PDE2A: variants seen among roughly 807,000 people sequenced by gnomAD.
The protein encoded by PDE2A is cGMP-dependent 3',5'-cyclic phosphodiesterase.
A neutral mutation model predicts 133.6 loss-of-function variants in PDE2A; 53 were observed. That is an observed-to-expected ratio of 0.40 (90% CI 0.32 to 0.50). The LOEUF is 0.50. PDE2A is among the 20% of genes least tolerant of loss of function. The pLI is 0.73. For missense variants in PDE2A, 796 were observed against 1,232.4 expected (o/e 0.65, Z 5.30); for synonymous variants, 491 against 490.2 (o/e 1.00, Z -0.02).
intron 2 of PDE2A, among the ~76,000 whole-genome samples, chr11:72,641,227 A>G (rs1258494547): frequency 6.6e-6 from 1 of 152,190 alleles, no homozygotes; most frequent in Non-Finnish European, 1.5e-5. Flanking sequence ...TGCCCACCAC[A>G]TCATCCCCCC....
chr11:72,661,369 C>A (rs1291245107), intron 1 of PDE2A, among the ~76,000 whole-genome samples: 2 of 152,186 alleles, frequency 1.3e-5, no homozygotes, highest in Admixed American at 1.3e-4. Flanking sequence ...CTCCTCACAG[C>A]TATTCCTAAC....
intron 3 of PDE2A, among the ~76,000 whole-genome samples, chr11:72,607,733 G>A (rs1857034873): frequency 1.3e-5 from 2 of 152,166 alleles, no homozygotes; most frequent in Non-Finnish European, 2.9e-5. Context: ...GGAGGGATGG[G>A]AAGGTCACAT....
intron 2 of PDE2A, among the ~76,000 whole-genome samples, chr11:72,613,432 C>G (rs1219183656): frequency 6.6e-6 from 1 of 151,858 alleles, no homozygotes; most frequent in Non-Finnish European, 1.5e-5. Context: ...TCCCCCAGGA[C>G]CTCGGAGCCC....
At chr11:72,629,341 A>C (rs1420076611) in intron 2 of PDE2A, among the ~76,000 whole-genome samples, 1 of 152,228 alleles carries the variant, frequency 6.6e-6, no homozygotes, top group Non-Finnish European at 1.5e-5. Context: ...CTCAGGGCAC[A>C]GTCCCCGTTG....
At chr11:72,667,297 C>G (rs1855264484) in intron 1 of PDE2A, among the ~76,000 whole-genome samples, 1 of 152,126 alleles carries the variant, frequency 6.6e-6, no homozygotes, top group African/African-American at 2.4e-5. Flanking sequence ...CAGTATCAAG[C>G]AAGTCATGAC....
At chr11:72,643,974 G>A (rs1859059866) in intron 1 of PDE2A, among the ~76,000 whole-genome samples, 1 of 152,100 alleles carries the variant, frequency 6.6e-6, no homozygotes. Context: ...ACCCTTGCTT[G>A]GTCATCCAGC....
At chr11:72,636,020 T>C in intron 2 of PDE2A, 1 of 1,262,936 alleles carries the variant, frequency 7.9e-7, no homozygotes. Flanking sequence ...TGTCTCCCAG[T>C]GGCAGCCCCC....
chr11:72,589,802 G>A lies in PDE2A; in HGVS notation c.832-10C>T, dbSNP rs1011241600. 1.2e-6 allele frequency: 2 copies of A among 1,613,422 alleles called. No homozygotes were observed. Among genetic ancestry groups the A allele is most frequent in the African/African-American group, 1.3e-5 (1 of 74,926 alleles). ...CTTTGTCTCCGATGACCTGAGGAAC[G>A]GAGTGCAGGGGGCTGGTTAAAGGAA... On this transcript the variant is annotated splice_polypyrimidine_tract_variant and intron_variant, in intron 10 of 30. Transcript: ENST00000334456.
chr11:72,617,488 A>G (rs766810508), intron 2 of PDE2A, among the ~76,000 whole-genome samples: 4 of 151,948 alleles, frequency 2.6e-5, no homozygotes, highest in Non-Finnish European at 4.4e-5. Context: ...GTGCCTGGCC[A>G]CCTCTCTCTG....
intron 1 of PDE2A, among the ~76,000 whole-genome samples, chr11:72,654,369 G>A (rs986779904): frequency 1.3e-5 from 2 of 152,198 alleles, no homozygotes; most frequent in African/African-American, 2.4e-5. Flanking sequence ...CCTAACCTCT[G>A]CCAGCCAGCA....
intron 27 of PDE2A, 102 bp from the exon 28 acceptor site, chr11:72,579,111 C>A (rs1855596073): frequency 1.0e-6 from 1 of 1,002,232 alleles, no homozygotes; most frequent in Admixed American, 1.9e-5. Flanking sequence ...GGGAATTGGG[C>A]ACCCTTGATG....
At chr11:72,613,656 C>T (rs1005315838) in intron 2 of PDE2A, among the ~76,000 whole-genome samples, 1 of 152,082 alleles carries the variant, frequency 6.6e-6, no homozygotes, top group African/African-American at 2.4e-5. Context: ...CCTGCCCCCA[C>T]CTACTCCTGT....
At chr11:72,642,785 C>A (rs1859017668) in intron 1 of PDE2A, among the ~76,000 whole-genome samples, 1 of 151,918 alleles carries the variant, frequency 6.6e-6, no homozygotes, top group African/African-American at 2.4e-5. Context: ...CCGGCCAGAG[C>A]CCCAGGCAGA....
chr11:72,655,377 C>T (rs1320561526), intron 1 of PDE2A, among the ~76,000 whole-genome samples: 5 of 10,416 alleles, frequency 4.8e-4, no homozygotes, highest in East Asian at 3.2e-3. Flanking sequence ...GCAGTGACCC[C>T]TCATGCCCTC....
At chr11:72,631,963 C>T (rs939857318) in intron 2 of PDE2A, among the ~76,000 whole-genome samples, 4 of 152,180 alleles carry the variant, frequency 2.6e-5, no homozygotes, top group African/African-American at 7.2e-5. Context: ...AGCTGCTGGC[C>T]GCCATGCCAG....
chr11:72,639,109 G>A (rs1858838754), intron 2 of PDE2A, among the ~76,000 whole-genome samples: 1 of 152,178 alleles, frequency 6.6e-6, no homozygotes. Context: ...CTTCTCTCAA[G>A]CACCTGCTGG....
chr11:72,631,984 G>C (rs1376762110), intron 2 of PDE2A, among the ~76,000 whole-genome samples: 4 of 152,222 alleles, frequency 2.6e-5, no homozygotes, highest in Non-Finnish European at 4.4e-5. Context: ...CCTGGCGCGG[G>C]TGCAGGGGCT....
intron 1 of PDE2A, among the ~76,000 whole-genome samples, chr11:72,653,587 T>C (rs1854808859): frequency 6.6e-6 from 1 of 151,698 alleles, no homozygotes; most frequent in South Asian, 2.1e-4. Flanking sequence ...GGAGGCAATA[T>C]AGAGATAGTA....
At chr11:72,580,459 G>A in intron 25 of PDE2A, 118 bp downstream of exon 25, 1 of 781,488 alleles carries the variant, frequency 1.3e-6, no homozygotes, top group Non-Finnish European at 2.2e-6. Context: ...AGGTGTGGCT[G>A]CAGCTCTCGC....
Sources: allele counts gnomAD v4.1 joint callset (sites outside exome capture counted in the v4.1 genomes callset), GRCh38; gene constraint gnomAD v4.1.1; transcripts MANE v1.5; gene names NCBI Gene and HGNC (gene_info 2026-07-23, HGNC 2026-07-21).